ANKRD11: variants seen among roughly 807,000 people sequenced by gnomAD.
ANKRD11 encodes ankyrin repeat domain-containing protein 11.
A neutral mutation model predicts 195.7 loss-of-function variants in ANKRD11; 17 were observed. The observed-to-expected ratio is 0.09, with a 90% CI of 0.06 to 0.13. The LOEUF (loss-of-function observed/expected upper bound fraction) is 0.13. ANKRD11 is among the 10% of genes least tolerant of loss of function. The pLI is 1.00. For synonymous variants in ANKRD11, 1,953 were observed against 1,528.1 expected, an observed-to-expected ratio of 1.28 and a Z score of -6.49; for missense variants, 3,735 against 3,566.1, an observed-to-expected ratio of 1.05 and a Z score of -1.21.
intron 2 of ANKRD11, among the ~76,000 whole-genome samples, chr16:89,372,114 C>T (rs897440400): frequency 6.6e-6 from 1 of 152,210 alleles, no homozygotes. Context: ...ACCCGGCCCT[C>T]GCATGCACAC....
At chr16:89,402,162 G>GT (rs1331243620) in intron 2 of ANKRD11, among the ~76,000 whole-genome samples, 1 of 152,188 alleles carries the variant, frequency 6.6e-6, no homozygotes, top group Non-Finnish European at 1.5e-5. Context: ...AACTTTTAGA[G>GT]TAAGGAGGAC....
At position 89,296,386 on chromosome 16, in the gene ANKRD11, C is replaced by T. The variant is rs74033737; in HGVS notation, c.227-5203G>A. On this transcript the variant is annotated intron_variant, in intron 4 of 12. Coordinates refer to ENST00000301030, the MANE Select transcript of ANKRD11 (RefSeq NM_013275.6). ...CTGCATTCTCTCCTCCACAGCTCCC[C>T]GCTTCCTGCAGGCTTCCTGTCTCAC... Among the ~76,000 whole-genome samples the T allele has an allele frequency of 4.6e-3, 702 of 152,260 alleles. 4 individuals carry two copies. The highest frequency in any genetic ancestry group is 0.016 in the African/African-American group (670 of 41,528).
intron 4 of ANKRD11, 101 bp downstream of exon 4, chr16:89,305,105 C>G (rs1023885397): frequency 2.6e-6 from 4 of 1,529,612 alleles, no homozygotes; most frequent in Middle Eastern, 2.4e-4. Flanking sequence ...TAGAGTGCGT[C>G]CCAGTGCAAA....
At chr16:89,341,939 T>C (rs1247100006) in intron 2 of ANKRD11, among the ~76,000 whole-genome samples, 2 of 141,796 alleles carry the variant, frequency 1.4e-5, no homozygotes, top group African/African-American at 5.3e-5. Flanking sequence ...GTGCTGCACC[T>C]CCTCCACGAA....
intron 2 of ANKRD11, among the ~76,000 whole-genome samples, chr16:89,329,518 TGTAA>T (rs1042865444): frequency 5.3e-5 from 8 of 152,214 alleles, no homozygotes; most frequent in African/African-American, 1.9e-4. Context: ...CCCACTGAGC[TGTAA>T]ATTTAAAATG....
chr16:89,475,248 G>C (rs1303712242), intron 1 of ANKRD11, among the ~76,000 whole-genome samples: 1 of 152,208 alleles, frequency 6.6e-6, no homozygotes, highest in Non-Finnish European at 1.5e-5. Flanking sequence ...CAGCATTTAA[G>C]CTGGAGGGAC....
chr16:89,456,760 A>G (rs34587896), intron 1 of ANKRD11, among the ~76,000 whole-genome samples: 65 of 152,316 alleles, frequency 4.3e-4, no homozygotes, highest in Non-Finnish European at 8.4e-4. Flanking sequence ...AAGTCTCCAA[A>G]ATAGACAGAT....
rs2034044695 is a variant in ANKRD11 at position 89,280,003 on chromosome 16, G to A, written c.6539C>T (p.Ser2180Phe). Reference sequence around the variant, plus strand: ...CGGCGGCTCCTCAGCCACTACGGTGGAAACATCCCCACCGTTTATGACCCC... The same window carrying A: ...CGGCGGCTCCTCAGCCACTACGGTGAAAACATCCCCACCGTTTATGACCCC... The part of the protein sequence containing the change: ...APGVINGGDV[S>F]TVVAEEPPAL... The change falls in exon 9 of 13, where the codon TCC becomes TTC. Residue 2180 changes from serine to phenylalanine, a missense_variant. Transcript: ENST00000301030. The A allele has an allele frequency of 3.1e-6, 5 of 1,612,316 alleles. No individual in the cohort carries two copies. Among genetic ancestry groups the A allele is most frequent in the Non-Finnish European group, 4.2e-6 (5 of 1,179,938 alleles).
chr16:89,380,416 G>A (rs547336497), intron 2 of ANKRD11, among the ~76,000 whole-genome samples: 1 of 152,084 alleles, frequency 6.6e-6, no homozygotes, highest in Non-Finnish European at 1.5e-5. Flanking sequence ...CCAGCCCAAT[G>A]ATGCCATTTT....
chr16:89,313,616 T>TA (rs1280495860), intron 3 of ANKRD11: 1 of 1,286,910 alleles, frequency 7.8e-7, no homozygotes, highest in Admixed American at 2.3e-5. Flanking sequence ...TTTGATAACA[T>TA]AAAGCTATAT....
intron 1 of ANKRD11, among the ~76,000 whole-genome samples, chr16:89,443,149 G>A (rs772169946): frequency 1.6e-4 from 24 of 151,978 alleles, no homozygotes; most frequent in Non-Finnish European, 3.2e-4. Flanking sequence ...GCATCACCAC[G>A]CCCAGCTAAT....
chr16:89,288,480 C>T lies in ANKRD11; in HGVS notation c.744+48G>A, dbSNP rs571338786. The T allele has an allele frequency of 4.3e-6, 7 of 1,613,728 alleles. No individual in the cohort carries two copies. The East Asian group carries it at 1.6e-4, about 36-fold the overall frequency. ...CGGGGAAACAAAGCTACAGAACCAC[C>T]CAGATGCCAGGACAGGCCGGATGTG... is the stretch of plus-strand genomic sequence containing the variant. On this transcript the variant is annotated intron_variant, in intron 7 of 12. Transcript: ENST00000301030.
chr16:89,434,619 A>G lies in ANKRD11; in HGVS notation c.-144-16251T>C, dbSNP rs952927796. 4.6e-5 allele frequency among the ~76,000 whole-genome samples: 7 copies of G among 152,304 alleles called. No homozygotes were observed. The East Asian group carries it at 7.7e-4, about 17-fold the overall frequency. The stretch of plus-strand genomic sequence containing the variant: ...AGCTGGCCCGACAATCCATGCCTAT[A>G]AATTCCACAACAGATGTCTCCTGAG... On this transcript the variant is annotated intron_variant, in intron 1 of 12. Transcript: ENST00000301030.
intron 2 of ANKRD11, chr16:89,325,190 G>A (rs1303993142): frequency 6.6e-6 from 1 of 152,396 alleles, no homozygotes; most frequent in Admixed American, 6.5e-5. Context: ...TAGGATGTGA[G>A]GGTGGAACAC....
At chr16:89,323,561 G>GC (rs2151943443) in intron 2 of ANKRD11, among the ~76,000 whole-genome samples, 4 of 37,632 alleles carry the variant, frequency 1.1e-4, no homozygotes, top group South Asian at 7.4e-4. Context: ...GGGGGTCTGA[G>GC]CTAAGGGCAC....
intron 2 of ANKRD11, among the ~76,000 whole-genome samples, chr16:89,344,085 A>G (rs2038825454): frequency 6.6e-6 from 1 of 152,026 alleles, no homozygotes; most frequent in Non-Finnish European, 1.5e-5. Context: ...TTGGTGCAGG[A>G]CTTCCCGGGC....
chr16:89,435,796 T>TCACACACACACACACA (rs58503159), intron 1 of ANKRD11, among the ~76,000 whole-genome samples: 16 of 143,018 alleles, frequency 1.1e-4, no homozygotes, highest in Admixed American at 2.1e-4. Context: ...CACCAGCTCT[T>TCACACACACACACACA]CACACACACA....
intron 2 of ANKRD11, among the ~76,000 whole-genome samples, chr16:89,414,898 G>A (rs1248056300): frequency 1.3e-5 from 2 of 152,204 alleles, no homozygotes; most frequent in African/African-American, 4.8e-5. Flanking sequence ...TGAAACACGG[G>A]AATGACACAA....
chr16:89,487,524 C>T (rs909669019), intron 1 of ANKRD11, among the ~76,000 whole-genome samples: 1 of 152,134 alleles, frequency 6.6e-6, no homozygotes, highest in African/African-American at 2.4e-5. Flanking sequence ...GCCTGTAATC[C>T]CAGCACTTTG....
Sources: gnomAD v4.1 joint callset for allele counts (sites outside exome capture counted in the v4.1 genomes callset) on GRCh38, gnomAD v4.1.1 for gene constraint, MANE v1.5 for transcripts, NCBI Gene and HGNC (gene_info 2026-07-23, HGNC 2026-07-21) for gene names.